SLCO5A1: variants seen among roughly 807,000 people sequenced by gnomAD.
SLCO5A1 encodes the protein solute carrier organic anion transporter family member 5A1, also known as organic anion transporter polypeptide-related protein 4.
Under a neutral mutation model 65.1 loss-of-function variants are expected in SLCO5A1, and 39 were observed. The ratio of observed to expected loss-of-function variants is 0.60; its 90% confidence interval spans 0.46 to 0.78. SLCO5A1 has a LOEUF of 0.78. Among genes scored for constraint, SLCO5A1 ranks in the 30% least tolerant of loss-of-function variants. The pLI is 0.00. For synonymous variants in SLCO5A1, 438 were observed against 415.7 expected, an observed-to-expected ratio of 1.05 and a Z score of -0.65; for missense variants, 1,029 against 1,069.4, an observed-to-expected ratio of 0.96 and a Z score of 0.53.
intron 3 of SLCO5A1, among the ~76,000 whole-genome samples, chr8:69,759,317 C>T (rs1474386920): frequency 5.9e-5 from 9 of 152,124 alleles, no homozygotes; most frequent in Admixed American, 4.6e-4. Flanking sequence ...TTATATATTT[C>T]TATATTGACA....
chr8:69,834,728 C>T (rs1010611857), intron 1 of SLCO5A1, 126 bp downstream of exon 1: 4 of 124,110 alleles, frequency 3.2e-5, no homozygotes, highest in African/African-American at 1.1e-4. Context: ...CACATACACG[C>T]ACATCCTACA....
chr8:69,772,847 G>C (rs891194626), intron 2 of SLCO5A1: 8 of 796,552 alleles, frequency 1.0e-5, no homozygotes, highest in Non-Finnish European at 1.2e-5. Context: ...AAGGCACTGG[G>C]ACAGGGAGGG....
At chr8:69,821,819 A>G (rs1820656752) in intron 2 of SLCO5A1, among the ~76,000 whole-genome samples, 1 of 151,380 alleles carries the variant, frequency 6.6e-6, no homozygotes, top group South Asian at 2.1e-4. Flanking sequence ...AAAAAAAAAA[A>G]AAAGAAAAGA....
chr8:69,754,946 C>G (rs1048531473), intron 4 of SLCO5A1, among the ~76,000 whole-genome samples: 3 of 152,066 alleles, frequency 2.0e-5, no homozygotes, highest in African/African-American at 7.2e-5. Context: ...AGGCATCAAA[C>G]CACACTGCCA....
chr8:69,749,235 T>C (rs1262608344), intron 4 of SLCO5A1, among the ~76,000 whole-genome samples: 1 of 152,212 alleles, frequency 6.6e-6, no homozygotes, highest in Non-Finnish European at 1.5e-5. Context: ...TCTCAACTAG[T>C]TCCTCTCCCC....
chr8:69,755,361 C>T, intron 4 of SLCO5A1, 63 bp downstream of exon 4: 1 of 1,396,374 alleles, frequency 7.2e-7, no homozygotes, highest in Non-Finnish European at 1.0e-6. Flanking sequence ...GGGCCTGGGA[C>T]CACACTATGA....
Position 69,808,956 on chromosome 8 carries a change from T to C in SLCO5A1, c.907+22811A>G, listed in dbSNP as rs189996977. 2.1e-3 allele frequency among the ~76,000 whole-genome samples: 316 copies of C among 151,658 alleles called. 2 individuals carry two copies. Among genetic ancestry groups the C allele is most frequent in the Non-Finnish European group, 3.2e-3 (218 of 67,914 alleles). On this transcript the variant is annotated intron_variant, in intron 2 of 9. Coordinates refer to ENST00000260126, the MANE Select transcript of SLCO5A1 (RefSeq NM_030958.3). The stretch of plus-strand genomic sequence containing the variant: ...CCCGTCTCTACTAAAAATACAAAAT[T>C]AGCCAGGCATGGTGGTGGGCGCCCA...
At position 69,717,870 on chromosome 8, in the gene SLCO5A1, G is replaced by T. The variant is rs187199075; in HGVS notation, c.1424-12641C>A. On this transcript the variant is annotated intron_variant, in intron 5 of 9. Coordinates refer to ENST00000260126, the MANE Select transcript of SLCO5A1 (RefSeq NM_030958.3). ...AGGATACATTGTGGACAGCTACATT[G>T]AGCTAATTAAAATATACATAACTTC... Among the ~76,000 whole-genome samples the T allele has an allele frequency of 2.0e-3, 310 of 152,182 alleles. 1 individual carries two copies. Among genetic ancestry groups the T allele is most frequent in the African/African-American group, 7.1e-3 (295 of 41,532 alleles).
intron 2 of SLCO5A1, among the ~76,000 whole-genome samples, chr8:69,763,738 A>G: frequency 6.6e-6 from 1 of 151,820 alleles, no homozygotes; most frequent in East Asian, 1.9e-4. Context: ...AAAATTATAA[A>G]ATAAGTAATA....
At chr8:69,821,245 G>A (rs1820624425) in intron 2 of SLCO5A1, among the ~76,000 whole-genome samples, 2 of 152,018 alleles carry the variant, frequency 1.3e-5, no homozygotes, top group Non-Finnish European at 2.9e-5. Context: ...TGTAATCCCA[G>A]CTACTCGGGA....
intron 2 of SLCO5A1, among the ~76,000 whole-genome samples, 197 bp downstream of exon 2, chr8:69,831,570 T>C (rs533956521): frequency 1.3e-5 from 2 of 152,332 alleles, no homozygotes; most frequent in South Asian, 4.1e-4. Flanking sequence ...GTCTGAAAAT[T>C]AGTTTCAAGA....
intron 4 of SLCO5A1, among the ~76,000 whole-genome samples, chr8:69,750,370 C>T (rs1817239640): frequency 6.6e-6 from 1 of 152,094 alleles, no homozygotes; most frequent in South Asian, 2.1e-4. Flanking sequence ...TGACAATCTG[C>T]TCCTCCTCCT....
chr8:69,721,145 T>C (rs2130826547), intron 5 of SLCO5A1, among the ~76,000 whole-genome samples: 1 of 152,332 alleles, frequency 6.6e-6, no homozygotes, highest in Admixed American at 6.5e-5. Flanking sequence ...CCTTCCTCCT[T>C]CCATTTTGCT....
intron 6 of SLCO5A1, among the ~76,000 whole-genome samples, chr8:69,704,215 G>C (rs1027931507): frequency 3.3e-5 from 5 of 152,148 alleles, no homozygotes; most frequent in Non-Finnish European, 7.4e-5. Flanking sequence ...GCCTTTTTTA[G>C]AGAGCCATTT....
chr8:69,733,742 A>C (rs899479846), intron 5 of SLCO5A1, among the ~76,000 whole-genome samples: 1 of 152,162 alleles, frequency 6.6e-6, no homozygotes, highest in African/African-American at 2.4e-5. Flanking sequence ...CCACTATGTA[A>C]GACGTGCCTC....
In SLCO5A1 at chr8:69,761,853, T is replaced by C. The variant is rs186573020; in HGVS notation, c.930A>G (p.Ala310=). The change falls in exon 3 of 10, where the codon GCA becomes GCG. Residue 310 remains alanine (A), a synonymous_variant. Transcript: ENST00000260126. ...LYLAIMYVMG[A]LGPAVGYLLG... ...ATAAATATCCCACTGCAGGGCCAAG[T>C]GCTCCCATGACATACATGATGGCTG... 2 of 1,613,614 alleles carry C rather than the reference T, an allele frequency of 1.2e-6. No individual in the cohort carries two copies. The highest frequency in any genetic ancestry group is 4.5e-5 in the East Asian group (2 of 44,854).
At chr8:69,735,282 A>G (rs781207603) in intron 5 of SLCO5A1, among the ~76,000 whole-genome samples, 7 of 152,228 alleles carry the variant, frequency 4.6e-5, no homozygotes, top group Non-Finnish European at 8.8e-5. Context: ...AAGACCTGGA[A>G]CCAGAAACAC....
intron 6 of SLCO5A1, 89 bp downstream of exon 6, chr8:69,704,942 G>GACA (rs1814901938): frequency 1.7e-6 from 2 of 1,184,962 alleles, no homozygotes; most frequent in Non-Finnish European, 2.5e-6. Context: ...TTGGAGGGAG[G>GACA]GGTATGAGGC....
rs150701852 is a variant in SLCO5A1, at chr8:69,722,904, T to G, written c.1423+15136A>C. Reference sequence around the variant, plus strand: ...TCAATGAATTTGGCTGATACAGAGATGAGGCAGTGACTGACTATTCTTGAT... The same window carrying G: ...TCAATGAATTTGGCTGATACAGAGAGGAGGCAGTGACTGACTATTCTTGAT... On this transcript the variant is annotated intron_variant, in intron 5 of 9. Coordinates refer to ENST00000260126, the MANE Select transcript of SLCO5A1 (RefSeq NM_030958.3). Among the ~76,000 whole-genome samples, 22 of 152,200 alleles carry G rather than the reference T, an allele frequency of 1.4e-4. No homozygotes were observed. In the East Asian group the frequency reaches 4.3e-3, roughly 29 times the overall value.
Sources: allele counts gnomAD v4.1 joint callset (sites outside exome capture counted in the v4.1 genomes callset), GRCh38; gene constraint gnomAD v4.1.1; transcripts MANE v1.5; gene names NCBI Gene and HGNC (gene_info 2026-07-23, HGNC 2026-07-21).